Variants in GINS3 observed in about 807,000 individuals in gnomAD.
GINS3 encodes the protein GINS complex subunit 3.
In GINS3, 18 loss-of-function variants were observed where a neutral mutation model predicts 20.0. The observed-to-expected ratio is 0.90, with a 90% CI of 0.62 to 1.33. The LOEUF is 1.33. Ranked by LOEUF, GINS3 falls within the 40% of genes most tolerant of loss-of-function variation. The pLI is 0.00. For missense variants in GINS3, 254 were observed against 273.6 expected, an observed-to-expected ratio of 0.93 and a Z score of 0.51; for synonymous variants, 109 against 107.0, an observed-to-expected ratio of 1.02 and a Z score of -0.12.
At position 58,404,830 on chromosome 16, in the gene GINS3, T is replaced by C. The variant is rs1966008114; in HGVS notation, c.*101T>C. On this transcript the variant is annotated 3_prime_UTR_variant, in exon 3 of 3. Transcript: ENST00000318129. ...TACAGAACCAGAATCCTGTCCCATT[T>C]CATGGCTTATTTCCTGTGGCCATAG... 1 of 794,934 alleles carries C rather than the reference T, an allele frequency of 1.3e-6. No individual in the cohort carries two copies. Among genetic ancestry groups the C allele is most frequent in the African/African-American group, 1.7e-5 (1 of 58,164 alleles). The allele number at this position is 794,934 out of a possible 1,614,324, so 49.2% of individuals were successfully genotyped here. A position where few individuals can be genotyped will look rare whatever the true frequency, so the allele number is the denominator to read the frequency against.
At chr16:58,393,035 A>G (rs188873560) in intron 1 of GINS3, among the ~76,000 whole-genome samples, 1 of 152,286 alleles carries the variant, frequency 6.6e-6, no homozygotes, top group African/African-American at 2.4e-5. Flanking sequence ...GCAGCCTCCA[A>G]CATTGATTTC....
At chr16:58,400,191 A>C (rs2151494112) in intron 1 of GINS3, among the ~76,000 whole-genome samples, 1 of 152,362 alleles carries the variant, frequency 6.6e-6, no homozygotes, top group Non-Finnish European at 1.5e-5. Flanking sequence ...CTCATGGTTA[A>C]GATTGATTAC....
In GINS3 at chr16:58,404,052, G is replaced by A. The variant is rs190118990; in HGVS notation, c.421-447G>A. The A allele has an allele frequency of 3.4e-3, 565 of 165,716 alleles. 1 individual carries two copies. The highest frequency in any genetic ancestry group is 5.6e-3 in the Non-Finnish European group (427 of 75,962). The allele number at this position is 165,716 out of a possible 1,614,324, so 10.3% of individuals were successfully genotyped here. On this transcript the variant is annotated intron_variant, in intron 2 of 2. Coordinates refer to ENST00000318129, the MANE Select transcript of GINS3 (RefSeq NM_022770.4). ...ACTCATATTGTTATTACTTTTCCAG[G>A]ACAAAACAATGTTATACATCTGTTC...
intron 2 of GINS3, 190 bp downstream of exon 2, chr16:58,403,521 A>T (rs1965986176): frequency 1.7e-5 from 9 of 545,190 alleles, no homozygotes; most frequent in South Asian, 9.4e-5. Flanking sequence ...ACACACACAC[A>T]TTTTTTTAAT....
Position 58,396,606 on chromosome 16 carries a change from G to T in GINS3, c.186+3819G>T, listed in dbSNP as rs868622322. 7.5e-4 allele frequency among the ~76,000 whole-genome samples: 18 copies of T among 24,056 alleles called. 2 individuals are homozygous for T. Among genetic ancestry groups the T allele is most frequent in the African/African-American group, 3.8e-3 (18 of 4,784 alleles). 15.8% of individuals were successfully genotyped at this position (24,056 alleles called of 152,430 possible). A position where few individuals can be genotyped will look rare whatever the true frequency, so the allele number is the denominator to read the frequency against. On this transcript the variant is annotated intron_variant, in intron 1 of 2. Coordinates refer to ENST00000318129, the MANE Select transcript of GINS3 (RefSeq NM_022770.4). ...CCCTCCCGGACGGGGCGGCTGGCCG[G>T]GCGGGGGGCTGATCCCCCCACCTCC...
Position 58,404,311 on chromosome 16 carries a change from A to G in GINS3, c.421-188A>G, listed in dbSNP as rs905203722. On this transcript the variant is annotated intron_variant, in intron 2 of 2. Transcript: ENST00000318129. Reference sequence around the variant, plus strand: ...GGATTTTCATAACAATCCACTTCACAGATGAGGAAATTGAGGCATGGCAAT... The same window carrying G: ...GGATTTTCATAACAATCCACTTCACGGATGAGGAAATTGAGGCATGGCAAT... The G allele has an allele frequency of 1.6e-4, 94 of 598,110 alleles. No individual in the cohort carries two copies. In the African/African-American group the frequency reaches 1.6e-3, roughly 10 times the overall value. The allele number at this position is 598,110 out of a possible 1,614,324, so 37.1% of individuals were successfully genotyped here.
intron 1 of GINS3, among the ~76,000 whole-genome samples, chr16:58,396,222 C>T (rs1330145292): frequency 7.6e-5 from 9 of 117,966 alleles, no homozygotes; most frequent in South Asian, 3.0e-4. Flanking sequence ...CGGGCAGAGG[C>T]GCCCCTCACC....
intron 2 of GINS3, 159 bp downstream of exon 2, chr16:58,403,490 T>TACACACACACACAC (rs112280214): frequency 1.8e-6 from 1 of 563,478 alleles, no homozygotes; most frequent in African/African-American, 2.1e-5. Context: ...TATATTTACA[T>TACACACACACACAC]ATATACACAC....
At position 58,392,719 on chromosome 16, in the gene GINS3, A is replaced by G. The variant is rs193241920; in HGVS notation, c.118A>G (p.Met40Val). The change falls in exon 1 of 3, where the codon ATG (methionine) becomes GTG (valine). Residue 40 changes from methionine (M) to valine (V), a missense_variant. Physicochemically the swap from Met to Val is conservative, Grantham distance 21 (BLOSUM62 1). Transcript: ENST00000318129. The stretch of plus-strand genomic sequence containing the variant: ...GCTGCCGGTGCGCACGGAGACCGCC[A>G]TGCCTCGCCTTGGCGCTTTCTTCCT... Reference protein sequence around the residue: ...EKLPVRTETAMPRLGAFFLER... With the variant: ...EKLPVRTETAVPRLGAFFLER... The G allele has an allele frequency of 2.7e-5, 44 of 1,614,184 alleles. 2 individuals are homozygous for G. Among genetic ancestry groups the G allele is most frequent in the Middle Eastern group, 1.7e-4 (1 of 6,060 alleles).
chr16:58,396,312 G>C (rs1463396015), intron 1 of GINS3, among the ~76,000 whole-genome samples: 2 of 126,310 alleles, frequency 1.6e-5, no homozygotes, highest in Admixed American at 7.4e-5. Flanking sequence ...CGGGCAGAGG[G>C]GCTCCTCACT....
chr16:58,398,605 G>A (rs149122380), intron 1 of GINS3, among the ~76,000 whole-genome samples: 2 of 152,254 alleles, frequency 1.3e-5, no homozygotes, highest in East Asian at 1.9e-4. Flanking sequence ...GCAAGATACT[G>A]TCTCAAAAGA....
At chr16:58,398,519 G>A (rs1965913979) in intron 1 of GINS3, among the ~76,000 whole-genome samples, 2 of 152,092 alleles carry the variant, frequency 1.3e-5, no homozygotes, top group Non-Finnish European at 2.9e-5. Flanking sequence ...TGAGGCAAGA[G>A]GATCACTTAA....
intron 1 of GINS3, among the ~76,000 whole-genome samples, chr16:58,400,306 C>T (rs767598621): frequency 6.6e-6 from 1 of 152,228 alleles, no homozygotes; most frequent in Non-Finnish European, 1.5e-5. Flanking sequence ...AGTGGAGTCA[C>T]ACAGGATGCA....
chr16:58,396,100 C>T (rs1276833701), intron 1 of GINS3, among the ~76,000 whole-genome samples: 3 of 142,306 alleles, frequency 2.1e-5, no homozygotes, highest in Admixed American at 6.8e-5. Context: ...GACTCCCCCA[C>T]CTCCCTCCCG....
At chr16:58,402,992 A>G (rs1393665461) in intron 1 of GINS3, 106 bp from the exon 2 acceptor site, 2 of 869,898 alleles carry the variant, frequency 2.3e-6, no homozygotes, top group Non-Finnish European at 3.6e-6. Context: ...CCACTCCCCC[A>G]AAGAGAAAAG....
At chr16:58,395,197 A>G (rs374194964) in intron 1 of GINS3, 1 of 412,556 alleles carries the variant, frequency 2.4e-6, no homozygotes. Flanking sequence ...CACCTCAGCC[A>G]CCTATGTGGC....
chr16:58,392,715 C>A lies in GINS3; in HGVS notation c.114C>A (p.Thr38=). The change falls in exon 1 of 3, where the codon ACC becomes ACA. Residue 38 remains threonine, a synonymous_variant. Coordinates refer to ENST00000318129, the MANE Select transcript of GINS3 (RefSeq NM_022770.4). ...SHEKLPVRTE[T]AMPRLGAFFL... is the part of the protein sequence containing the mutation. ...AGAAGCTGCCGGTGCGCACGGAGAC[C>A]GCCATGCCTCGCCTTGGCGCTTTCT... 6.2e-7 allele frequency: 1 copy of A among 1,614,218 alleles called. No homozygotes were observed. Among genetic ancestry groups the A allele is most frequent in the Admixed American group, 1.7e-5 (1 of 60,030 alleles).
At chr16:58,395,321 G>GTA (rs1340654029) in intron 1 of GINS3, 407 of 147,274 alleles carry the variant, frequency 2.8e-3, no homozygotes, top group African/African-American at 0.01. Flanking sequence ...TGTAATATTT[G>GTA]TATATATATA....
At chr16:58,400,803 A>G (rs1965943286) in intron 1 of GINS3, among the ~76,000 whole-genome samples, 1 of 148,440 alleles carries the variant, frequency 6.7e-6, no homozygotes, top group Non-Finnish European at 1.5e-5. Flanking sequence ...TCTGTTAAGA[A>G]GTTGGCTTTT....
Sources: gnomAD v4.1 joint callset for allele counts (sites outside exome capture counted in the v4.1 genomes callset) on GRCh38, gnomAD v4.1.1 for gene constraint, MANE v1.5 for transcripts, NCBI Gene and HGNC (gene_info 2026-07-23, HGNC 2026-07-21) for gene names.